Variants in TP73 observed in about 807,000 individuals in gnomAD.
The protein encoded by TP73 is p53-like transcription factor.
TP73 carries 25 observed loss-of-function variants against 62.5 expected under a neutral mutation model. The ratio of observed to expected loss-of-function variants is 0.40; its 90% CI spans 0.29 to 0.56. The LOEUF is 0.56. Among genes scored for constraint, TP73 ranks in the 20% least tolerant of loss-of-function variants. The probability of loss-of-function intolerance (pLI) is 0.46; values close to 1 mark genes in which losing one functional copy is unlikely to be tolerated. For missense variants in TP73, 754 were observed against 913.3 expected (o/e 0.83, Z 2.25); for synonymous variants, 423 against 377.5 (o/e 1.12, Z -1.40).
intron 3 of TP73, among the ~76,000 whole-genome samples, chr1:3,705,849 G>A (rs527387198): frequency 2.6e-5 from 4 of 152,328 alleles, no homozygotes; most frequent in South Asian, 4.1e-4. Flanking sequence ...TGCGGCCCTC[G>A]TCAGGGACCT....
chr1:3,667,422 C>G (rs891739130), intron 1 of TP73, among the ~76,000 whole-genome samples: 1 of 152,184 alleles, frequency 6.6e-6, no homozygotes. Context: ...TGCGCACATC[C>G]GCATGGTCCC....
chr1:3,732,629 C>G (rs1642219730), intron 13 of TP73, 118 bp from the exon 14 acceptor site: 2 of 897,840 alleles, frequency 2.2e-6, no homozygotes, highest in Admixed American at 5.8e-5. Context: ...CTCCTGCCTA[C>G]TCTGGTTGGG....
intron 3 of TP73, among the ~76,000 whole-genome samples, chr1:3,700,580 T>G (rs540684131): frequency 1.9e-4 from 29 of 152,278 alleles, no homozygotes; most frequent in African/African-American, 6.5e-4. Flanking sequence ...GCAGATCACC[T>G]GAGGTCAGGA....
intron 1 of TP73, among the ~76,000 whole-genome samples, chr1:3,674,917 G>A (rs908091685): frequency 1.3e-5 from 2 of 152,188 alleles, no homozygotes; most frequent in African/African-American, 2.4e-5. Flanking sequence ...CTGCCCAGGC[G>A]GGGGCTCTTC....
intron 1 of TP73, among the ~76,000 whole-genome samples, chr1:3,667,403 AACAG>A (rs1318427365): frequency 6.6e-6 from 1 of 152,234 alleles, no homozygotes; most frequent in Non-Finnish European, 1.5e-5. Context: ...AGCCACAGAA[AACAG>A]ACAGTGCGCA....
At chr1:3,711,839 C>T (rs1172313969) in intron 4 of TP73, among the ~76,000 whole-genome samples, 2 of 146,052 alleles carry the variant, frequency 1.4e-5, no homozygotes, top group Non-Finnish European at 3.0e-5. Context: ...TGTGCGCGAG[C>T]GTGTGTATGT....
intron 1 of TP73, among the ~76,000 whole-genome samples, chr1:3,665,076 G>A (rs1157407854): frequency 1.3e-5 from 2 of 152,196 alleles, no homozygotes; most frequent in Non-Finnish European, 2.9e-5. Flanking sequence ...CCACGCTCAC[G>A]ATTCAGTGCA....
At chr1:3,722,967 AGGGCTGGGCACCTCTGCATCTGGCATG>A (rs1192526281) in intron 5 of TP73, among the ~76,000 whole-genome samples, 29 of 125,274 alleles carry the variant, frequency 2.3e-4, no homozygotes, top group Non-Finnish European at 4.0e-4. Context: ...TGCCTGGCAC[AGGGCTGGGCACCTCTGCATCTGGCATG>A]GGGCTGGGCA....
intron 6 of TP73, 76 bp from the exon 7 acceptor site, chr1:3,727,039 G>T (rs1641706104): frequency 7.7e-7 from 1 of 1,298,622 alleles, no homozygotes; most frequent in Non-Finnish European, 1.1e-6. Context: ...ACCAGACATG[G>T]AGCTGGGGGC....
At chr1:3,720,008 C>T (rs180924560) in intron 4 of TP73, among the ~76,000 whole-genome samples, 342 of 151,836 alleles carry the variant, frequency 2.3e-3, no homozygotes, top group Non-Finnish European at 3.6e-3. Context: ...CTCCACCTCC[C>T]GAGTTCAAGC....
At chr1:3,688,151 C>T (rs1645712609) in intron 3 of TP73, among the ~76,000 whole-genome samples, 1 of 152,066 alleles carries the variant, frequency 6.6e-6, no homozygotes, top group South Asian at 2.1e-4. Flanking sequence ...CAGCTCACCA[C>T]GGTCAGCTCT....
chr1:3,657,380 C>G (rs1349701772), intron 1 of TP73, among the ~76,000 whole-genome samples: 1 of 152,220 alleles, frequency 6.6e-6, no homozygotes, highest in African/African-American at 2.4e-5. Flanking sequence ...CTGTGTGTCT[C>G]TCCTTTTTTG....
Position 3,722,062 on chromosome 1 carries a change from G to T in TP73, c.471G>T (p.Lys157Asn). ...AGAAACTCTACTGCCAGATCGCCAA[G>T]ACATGCCCCATCCAGATCAAGGTGT... ...LLKKLYCQIAKTCPIQIKVST... is the reference protein window; with the variant it reads ...LLKKLYCQIANTCPIQIKVST... Residue 157 changes from lysine to asparagine, a missense_variant, in exon 5 of 14, where the codon AAG becomes AAT. Lys to Asn is a moderately conservative substitution (Grantham distance 94, BLOSUM62 0). Transcript: ENST00000378295. 1 of 1,612,484 alleles carries T rather than the reference G, an allele frequency of 6.2e-7. No homozygotes were observed. The highest frequency in any genetic ancestry group is 8.5e-7 in the Non-Finnish European group (1 of 1,179,412).
intron 3 of TP73, among the ~76,000 whole-genome samples, chr1:3,703,802 C>T (rs1639405061): frequency 6.6e-6 from 1 of 152,210 alleles, no homozygotes; most frequent in Non-Finnish European, 1.5e-5. Context: ...CCTGAGAAGC[C>T]TCAGCTGGGC....
At position 3,728,183 on chromosome 1, in the gene TP73, G is replaced by C. The variant is rs146632180; in HGVS notation, c.1040G>C (p.Arg347Pro). 1 of 1,612,034 alleles carries C rather than the reference G, an allele frequency of 6.2e-7. No homozygotes were observed. The highest frequency in any genetic ancestry group is 8.5e-7 in the Non-Finnish European group (1 of 1,179,960). The change falls in exon 9 of 14, where the codon CGG becomes CCG. Residue 347 changes from arginine to proline, a missense_variant. Physicochemically the swap from Arg to Pro is moderately radical, Grantham distance 103. Transcript: ENST00000378295. ...VPALGAGVKK[R>P]RHGDEDTYYL... ...GCCCTTGGTGCCGGTGTGAAGAAGC[G>C]GCGGCATGGAGACGAGGACACGTAC...
At chr1:3,705,170 G>A (rs996610966) in intron 3 of TP73, among the ~76,000 whole-genome samples, 2 of 152,244 alleles carry the variant, frequency 1.3e-5, no homozygotes, top group African/African-American at 2.4e-5. Flanking sequence ...CCAGAATGCT[G>A]GGATTACGGG....
intron 1 of TP73, among the ~76,000 whole-genome samples, chr1:3,665,438 A>G (rs1377660044): frequency 6.6e-6 from 1 of 152,242 alleles, no homozygotes; most frequent in Admixed American, 6.5e-5. Flanking sequence ...TATAACTCCA[A>G]GAATTCATTG....
intron 1 of TP73, among the ~76,000 whole-genome samples, chr1:3,653,819 G>A (rs186113589): frequency 7.7e-4 from 118 of 152,270 alleles, no homozygotes; most frequent in Middle Eastern, 3.4e-3. Flanking sequence ...AACAGGACAC[G>A]GTGTTTGAAA....
At chr1:3,674,468 G>T (rs544434717) in intron 1 of TP73, among the ~76,000 whole-genome samples, 1 of 152,258 alleles carries the variant, frequency 6.6e-6, no homozygotes. Context: ...GGTGAGGGGG[G>T]CTCTCAGCCG....
Sources: allele counts gnomAD v4.1 joint callset (sites outside exome capture counted in the v4.1 genomes callset), GRCh38; gene constraint gnomAD v4.1.1; transcripts MANE v1.5; gene names NCBI Gene and HGNC (gene_info 2026-07-23, HGNC 2026-07-21).